MEGF11: variants seen among roughly 807,000 people sequenced by gnomAD.
MEGF11 encodes multiple epidermal growth factor-like domains protein 11.
Under a neutral mutation model 146.6 loss-of-function variants are expected in MEGF11, and 126 were observed. The observed-to-expected ratio is 0.86, with a 90% CI of 0.74 to 1.00. The LOEUF (loss-of-function observed/expected upper bound fraction) is 1.00. MEGF11 is among the 50% of genes least tolerant of loss of function. The probability of loss-of-function intolerance (pLI) is 0.00; values close to 1 mark genes in which losing one functional copy is unlikely to be tolerated. For missense variants in MEGF11, 1,509 were observed against 1,521.2 expected (o/e 0.99, Z 0.13); for synonymous variants, 532 against 583.4 (o/e 0.91, Z 1.27).
At chr15:66,017,905 AG>A (rs2082949810) in intron 5 of MEGF11, among the ~76,000 whole-genome samples, 1 of 152,182 alleles carries the variant, frequency 6.6e-6, no homozygotes, top group Non-Finnish European at 1.5e-5. Context: ...GAGAGATGAG[AG>A]GCAGGCCCTC....
chr15:66,141,246 G>A (rs1171676291), intron 1 of MEGF11, among the ~76,000 whole-genome samples: 1 of 120,692 alleles, frequency 8.3e-6, no homozygotes, highest in African/African-American at 3.2e-5. Context: ...GTGTGTGTGT[G>A]TGTGTGTGTG....
At chr15:66,048,712 C>T (rs1195508085) in intron 5 of MEGF11, among the ~76,000 whole-genome samples, 1 of 152,156 alleles carries the variant, frequency 6.6e-6, no homozygotes, top group Non-Finnish European at 1.5e-5. Flanking sequence ...AAGGCCTGGC[C>T]CTCTAAGGGT....
At chr15:66,229,599 T>C (rs149260261) in intron 1 of MEGF11, among the ~76,000 whole-genome samples, 1 of 152,320 alleles carries the variant, frequency 6.6e-6, no homozygotes, top group East Asian at 1.9e-4. Flanking sequence ...ATCTCCTACA[T>C]AGACAATTCA....
At chr15:66,058,984 T>C (rs2084790482) in intron 5 of MEGF11, among the ~76,000 whole-genome samples, 1 of 151,942 alleles carries the variant, frequency 6.6e-6, no homozygotes, top group Admixed American at 6.5e-5. Flanking sequence ...TCCCAACCAC[T>C]CGGCAATTAA....
intron 1 of MEGF11, among the ~76,000 whole-genome samples, chr15:66,177,370 T>G (rs562094666): frequency 1.3e-5 from 2 of 152,282 alleles, no homozygotes; most frequent in East Asian, 1.9e-4. Context: ...ACAATAATTA[T>G]TTTCCACTGA....
intron 1 of MEGF11, among the ~76,000 whole-genome samples, chr15:66,220,692 C>T (rs889331839): frequency 2.6e-5 from 4 of 151,914 alleles, no homozygotes; most frequent in Non-Finnish European, 4.4e-5. Flanking sequence ...TGTGTGCCAC[C>T]GTGCCTGGCT....
intron 1 of MEGF11, among the ~76,000 whole-genome samples, chr15:66,160,656 C>G (rs1161793051): frequency 1.6e-5 from 2 of 128,416 alleles, no homozygotes; most frequent in Non-Finnish European, 3.2e-5. Context: ...TGCTCTAGGC[C>G]CTAAGGGGAC....
intron 1 of MEGF11, among the ~76,000 whole-genome samples, chr15:66,135,058 G>A (rs879925412): frequency 3.3e-5 from 5 of 152,170 alleles, no homozygotes; most frequent in East Asian, 1.9e-4. Flanking sequence ...AGTGTTTCAC[G>A]TCTTGCACAT....
At chr15:66,145,017 C>T (rs1279751304) in intron 1 of MEGF11, among the ~76,000 whole-genome samples, 1 of 152,166 alleles carries the variant, frequency 6.6e-6, no homozygotes, top group Non-Finnish European at 1.5e-5. Context: ...GAGCAGGCGC[C>T]GATCCAGAAT....
chr15:66,148,769 G>A (rs982358510), intron 1 of MEGF11, among the ~76,000 whole-genome samples: 2 of 152,170 alleles, frequency 1.3e-5, no homozygotes, highest in Admixed American at 1.3e-4. Flanking sequence ...CTGGTGCGGG[G>A]TCCCTGGTCG....
intron 10 of MEGF11, among the ~76,000 whole-genome samples, chr15:65,943,219 C>A (rs563960615): frequency 2.0e-5 from 3 of 152,206 alleles, no homozygotes; most frequent in South Asian, 2.1e-4. Context: ...CTCAGGCGAT[C>A]CACCTGCCTT....
chr15:66,059,376 C>T lies in MEGF11; in HGVS notation c.394+35026G>A, dbSNP rs539334867. Reference sequence around the variant, plus strand: ...TAGCATTCCTGCAGAAGAGGAAAGGCGCCCTGCTCAGCAGGTCCTCATTCG... The same window carrying T: ...TAGCATTCCTGCAGAAGAGGAAAGGTGCCCTGCTCAGCAGGTCCTCATTCG... On this transcript the variant is annotated intron_variant, in intron 5 of 25. Transcript: ENST00000395614. Among the ~76,000 whole-genome samples, 6 of 152,316 alleles carry T rather than the reference C, an allele frequency of 3.9e-5. No individual in the cohort carries two copies. In the South Asian group the frequency reaches 6.2e-4, roughly 16 times the overall value.
chr15:66,248,738 G>A (rs889982913), intron 1 of MEGF11, among the ~76,000 whole-genome samples: 10 of 152,292 alleles, frequency 6.6e-5, no homozygotes, highest in South Asian at 2.1e-4. Context: ...GACCATCAGC[G>A]AAACTCCTCA....
chr15:66,008,827 GA>G lies in MEGF11; in HGVS notation c.395-26340del, dbSNP rs35381735. ...CAACAGAACAAGACTCTGTCTCTTA[GA>G]AAAAAAAAAAAAATAGTTAAAGGGG... On this transcript the variant is annotated intron_variant, in intron 5 of 25. Coordinates refer to ENST00000395614, the MANE Select transcript of MEGF11 (RefSeq NM_001385028.1). Among the ~76,000 whole-genome samples, 821 of 144,018 alleles carry G rather than the reference GA, an allele frequency of 5.7e-3. 8 individuals are homozygous for G. Among genetic ancestry groups the G allele is most frequent in the African/African-American group, 0.02 (768 of 39,030 alleles). The allele number at this position is 144,018 out of a possible 152,430, so 94.5% of individuals were successfully genotyped here. A position where few individuals can be genotyped will look rare whatever the true frequency, so the allele number is the denominator to read the frequency against.
intron 10 of MEGF11, among the ~76,000 whole-genome samples, chr15:65,948,678 T>C (rs527562112): frequency 6.6e-6 from 1 of 152,322 alleles, no homozygotes; most frequent in South Asian, 2.1e-4. Context: ...TTCTAAATAT[T>C]TTATCTAATT....
intron 5 of MEGF11, among the ~76,000 whole-genome samples, chr15:65,984,298 G>A (rs1371300638): frequency 6.6e-6 from 1 of 152,042 alleles, no homozygotes; most frequent in Non-Finnish European, 1.5e-5. Flanking sequence ...GGCCAAGGTG[G>A]GTGGATTGCT....
intron 1 of MEGF11, among the ~76,000 whole-genome samples, chr15:66,200,488 C>G (rs949150543): frequency 2.0e-5 from 3 of 152,150 alleles, no homozygotes; most frequent in African/African-American, 7.2e-5. Context: ...AATGATTATA[C>G]TTTTCCTAGG....
Position 65,912,130 on chromosome 15 carries a change from C to T in MEGF11, c.2781G>A (p.Gly927=). The change falls in exon 21 of 26, where the codon GGG becomes GGA. Residue 927 remains glycine, a synonymous_variant. Coordinates refer to ENST00000395614, the MANE Select transcript of MEGF11 (RefSeq NM_001385028.1). ...GAGTGCTGGCCTGGCTGGTGGCAGG[C>T]CCCCCACATGCCAGTGCGTGGTAGC... ...NSSYHALACG[G]PATSQASTLD... is the part of the protein sequence containing the mutation. 8.1e-7 allele frequency: 1 copy of T among 1,232,056 alleles called. No individual in the cohort carries two copies. Among genetic ancestry groups the T allele is most frequent in the Non-Finnish European group, 1.0e-6 (1 of 987,976 alleles). The allele number at this position is 1,232,056 out of a possible 1,614,324, so 76.3% of individuals were successfully genotyped here.
chr15:66,131,052 T>G (rs571214528), intron 1 of MEGF11, among the ~76,000 whole-genome samples: 1 of 152,208 alleles, frequency 6.6e-6, no homozygotes, highest in Non-Finnish European at 1.5e-5. Flanking sequence ...GAAGAGTCCA[T>G]GTAAATAGAT....
Sources: gnomAD v4.1 joint callset for allele counts (sites outside exome capture counted in the v4.1 genomes callset) on GRCh38, gnomAD v4.1.1 for gene constraint, MANE v1.5 for transcripts, NCBI Gene and HGNC (gene_info 2026-07-23, HGNC 2026-07-21) for gene names.